The following KIAA0825 variants were observed in gnomAD, a reference collection of about 807,000 sequenced individuals.
KIAA0825 encodes uncharacterized protein KIAA0825.
In KIAA0825, 119 loss-of-function variants were observed where a neutral mutation model predicts 147.6. The observed-to-expected ratio is 0.81, with a 90% CI of 0.69 to 0.94. The LOEUF (loss-of-function observed/expected upper bound fraction) is 0.94. Among genes scored for constraint, KIAA0825 ranks in the 40% least tolerant of loss-of-function variants. KIAA0825 has a pLI of 0.00. For synonymous variants in KIAA0825, 470 were observed against 518.1 expected (o/e 0.91, Z 1.26); for missense variants, 1,381 against 1,472.7 (o/e 0.94, Z 1.02).
intron 8 of KIAA0825, 123 bp from the exon 9 acceptor site, chr5:94,471,854 C>T: frequency 1.2e-6 from 1 of 848,692 alleles, no homozygotes; most frequent in South Asian, 1.8e-5. Flanking sequence ...AATGACGCAG[C>T]TTTGTAATAA....
At chr5:94,611,988 A>T (rs1277535554) in intron 1 of KIAA0825, 1 of 152,104 alleles carries the variant, frequency 6.6e-6, no homozygotes, top group Non-Finnish European at 1.5e-5. Flanking sequence ...CTATATTTAT[A>T]GGCTACCTGA....
chr5:94,468,872 A>G (rs1760874834), intron 10 of KIAA0825, among the ~76,000 whole-genome samples: 1 of 152,228 alleles, frequency 6.6e-6, no homozygotes, highest in South Asian at 2.1e-4. Context: ...AGGAAAGGGT[A>G]AAATGGAAAA....
At chr5:94,614,573 G>A (rs948774633) in intron 1 of KIAA0825, among the ~76,000 whole-genome samples, 2 of 152,024 alleles carry the variant, frequency 1.3e-5, no homozygotes, top group Non-Finnish European at 2.9e-5. Context: ...TACTATTTCT[G>A]TTTTCTGACA....
At chr5:94,591,692 T>C (rs924246932) in intron 1 of KIAA0825, among the ~76,000 whole-genome samples, 1 of 152,190 alleles carries the variant, frequency 6.6e-6, no homozygotes, top group Admixed American at 6.5e-5. Flanking sequence ...TTTTTCACAT[T>C]AGAGACTGTA....
At chr5:94,397,616 A>G (rs1750842079) in intron 16 of KIAA0825, among the ~76,000 whole-genome samples, 1 of 152,106 alleles carries the variant, frequency 6.6e-6, no homozygotes, top group Non-Finnish European at 1.5e-5. Flanking sequence ...TTTGGGTTGG[A>G]TGATCCTTTG....
At chr5:94,541,162 C>A (rs374699715) in intron 2 of KIAA0825, among the ~76,000 whole-genome samples, 1 of 152,150 alleles carries the variant, frequency 6.6e-6, no homozygotes, top group East Asian at 1.9e-4. Context: ...CTTAACTGTA[C>A]AACTTGCCTG....
intron 5 of KIAA0825, chr5:94,519,361 T>A: frequency 1.1e-6 from 1 of 892,874 alleles, no homozygotes; most frequent in Non-Finnish European, 1.3e-6. Context: ...ATGAACTTAT[T>A]CAGAAATACA....
intron 20 of KIAA0825, among the ~76,000 whole-genome samples, chr5:94,266,755 TAACTTATG>T (rs1776754028): frequency 6.6e-6 from 1 of 152,190 alleles, no homozygotes; most frequent in Non-Finnish European, 1.5e-5. Context: ...TAGTAAAACA[TAACTTATG>T]TTAATATGTA....
intron 20 of KIAA0825, among the ~76,000 whole-genome samples, chr5:94,358,292 A>T (rs971073985): frequency 1.3e-5 from 2 of 152,204 alleles, no homozygotes; most frequent in African/African-American, 4.8e-5. Flanking sequence ...TTAAAGTGCA[A>T]ACTAGAGAAT....
At chr5:94,246,644 C>A (rs1434449910) in intron 20 of KIAA0825, among the ~76,000 whole-genome samples, 1 of 152,124 alleles carries the variant, frequency 6.6e-6, no homozygotes, top group African/African-American at 2.4e-5. Context: ...GGTGATCACT[C>A]CATAGCTATA....
chr5:94,552,256 A>T (rs1036968681), intron 2 of KIAA0825, among the ~76,000 whole-genome samples: 4 of 152,198 alleles, frequency 2.6e-5, no homozygotes, highest in African/African-American at 9.7e-5. Flanking sequence ...ACATCTGAGT[A>T]ACTAGATATA....
intron 20 of KIAA0825, among the ~76,000 whole-genome samples, chr5:94,219,893 A>G (rs1344541595): frequency 6.6e-6 from 1 of 152,168 alleles, no homozygotes; most frequent in Non-Finnish European, 1.5e-5. Context: ...ACACTACTGT[A>G]GAACTTATAA....
intron 20 of KIAA0825, among the ~76,000 whole-genome samples, chr5:94,162,698 AC>A (rs1767693547): frequency 6.6e-6 from 1 of 152,210 alleles, no homozygotes; most frequent in Non-Finnish European, 1.5e-5. Flanking sequence ...AAACAAAAAA[AC>A]AAACCTGTTC....
At chr5:94,402,693 A>G (rs931067111) in intron 16 of KIAA0825, among the ~76,000 whole-genome samples, 1 of 151,492 alleles carries the variant, frequency 6.6e-6, no homozygotes, top group Non-Finnish European at 1.5e-5. Flanking sequence ...TAGAGAAAAA[A>G]TATTTTCACT....
chr5:94,266,310 G>T (rs1436806725), intron 20 of KIAA0825, among the ~76,000 whole-genome samples: 1 of 152,138 alleles, frequency 6.6e-6, no homozygotes, highest in Non-Finnish European at 1.5e-5. Flanking sequence ...GTGATATTGT[G>T]TAATGAAATG....
chr5:94,574,571 A>G (rs927685813), intron 2 of KIAA0825, among the ~76,000 whole-genome samples: 6 of 151,736 alleles, frequency 4.0e-5, no homozygotes, highest in African/African-American at 9.6e-5. Flanking sequence ...AAAAAGAAAA[A>G]AAAAGAAAGG....
chr5:94,535,569 G>A (rs774288225), intron 3 of KIAA0825, among the ~76,000 whole-genome samples: 7 of 149,404 alleles, frequency 4.7e-5, no homozygotes, highest in Non-Finnish European at 8.9e-5. Context: ...TCTATTCCTC[G>A]GAAGACTAGA....
chr5:94,493,076 G>C (rs1428016491), intron 5 of KIAA0825, among the ~76,000 whole-genome samples: 3 of 152,196 alleles, frequency 2.0e-5, no homozygotes, highest in Non-Finnish European at 4.4e-5. Context: ...TCAGGCCTTA[G>C]AGTTCTCCTG....
At chr5:94,409,736 G>A (rs1245352560) in intron 15 of KIAA0825, among the ~76,000 whole-genome samples, 1 of 152,096 alleles carries the variant, frequency 6.6e-6, no homozygotes, top group South Asian at 2.1e-4. Context: ...GACATTCAAA[G>A]GACACCTAAA....
Sources: allele counts gnomAD v4.1 joint callset (sites outside exome capture counted in the v4.1 genomes callset), GRCh38; gene constraint gnomAD v4.1.1; transcripts MANE v1.5; gene names NCBI Gene and HGNC (gene_info 2026-07-23, HGNC 2026-07-21).